The following TUFT1 variants were observed in gnomAD, a reference collection of about 807,000 sequenced individuals.
TUFT1 encodes tuftelin.
Under a neutral mutation model 57.8 loss-of-function variants are expected in TUFT1, and 43 were observed. That is an observed-to-expected ratio of 0.74 (90% CI 0.58 to 0.96). TUFT1 has a LOEUF of 0.96. Among genes scored for constraint, TUFT1 ranks in the 40% least tolerant of loss-of-function variants. The pLI, the probability that TUFT1 is intolerant of heterozygous loss-of-function variation, is 0.00. For missense variants in TUFT1, 459 were observed against 489.0 expected (o/e 0.94, Z 0.58); for synonymous variants, 166 against 176.7 (o/e 0.94, Z 0.48).
At chr1:151,577,568 G>C (rs376316858) in intron 9 of TUFT1, among the ~76,000 whole-genome samples, 7 of 152,256 alleles carry the variant, frequency 4.6e-5, no homozygotes, top group African/African-American at 1.7e-4. Context: ...TGCCCTTTGG[G>C]GGATCTTGGC....
intron 9 of TUFT1, 141 bp downstream of exon 9, chr1:151,575,146 GA>G (rs1666422517): frequency 2.6e-6 from 2 of 757,668 alleles, no homozygotes; most frequent in South Asian, 3.4e-5. Context: ...GACTCACCGT[GA>G]GCTTGCTCAG....
chr1:151,572,803 A>T (rs771210356), intron 7 of TUFT1, among the ~76,000 whole-genome samples: 8 of 152,204 alleles, frequency 5.3e-5, no homozygotes, highest in Non-Finnish European at 1.2e-4. Context: ...GACACGTCCC[A>T]TCACACATCA....
intron 1 of TUFT1, among the ~76,000 whole-genome samples, chr1:151,556,005 C>T (rs577337904): frequency 6.6e-6 from 1 of 152,012 alleles, no homozygotes; most frequent in Non-Finnish European, 1.5e-5. Flanking sequence ...TTTCCCTCCT[C>T]CCCCCCACTT....
At position 151,561,813 on chromosome 1, in the gene TUFT1, G is replaced by T. The variant is rs1385010820; in HGVS notation, c.61-278G>T. 7.0e-6 allele frequency: 10 copies of T among 1,432,708 alleles called. No homozygotes were observed. In the Admixed American group the frequency reaches 2.1e-4, roughly 30 times the overall value. The allele number at this position is 1,432,708 out of a possible 1,614,324, so 88.7% of individuals were successfully genotyped here. A position where few individuals can be genotyped will look rare whatever the true frequency, so the allele number is the denominator to read the frequency against. ...ATGCAATGTGTTCCCTGTAGTCCAA[G>T]AACCAGGGTAGCCCTGCTGGAGCTC... On this transcript the variant is annotated intron_variant, in intron 1 of 12. Coordinates refer to ENST00000368849, the MANE Select transcript of TUFT1 (RefSeq NM_020127.3).
intron 7 of TUFT1, 54 bp from the exon 8 acceptor site, chr1:151,574,216 C>G (rs1199452060): frequency 1.3e-5 from 20 of 1,566,202 alleles, no homozygotes; most frequent in Non-Finnish European, 1.7e-5. Context: ...AGGTTTTTTT[C>G]CATGTTTGCT....
intron 7 of TUFT1, among the ~76,000 whole-genome samples, chr1:151,572,994 G>T (rs559385528): frequency 6.6e-6 from 1 of 152,344 alleles, no homozygotes; most frequent in Admixed American, 6.5e-5. Context: ...GGATGGTGAA[G>T]TATCTGGGTG....
intron 7 of TUFT1, among the ~76,000 whole-genome samples, chr1:151,574,002 GAA>G (rs1354312724): frequency 6.6e-6 from 1 of 152,206 alleles, no homozygotes; most frequent in African/African-American, 2.4e-5. Context: ...TCACCTATCT[GAA>G]AAGTGGTGCT....
chr1:151,553,934 T>C (rs371887794), intron 1 of TUFT1, among the ~76,000 whole-genome samples: 1 of 152,264 alleles, frequency 6.6e-6, no homozygotes, highest in East Asian at 1.9e-4. Flanking sequence ...CCTTGTCATA[T>C]GTTTAATGAC....
chr1:151,563,201 TA>T lies in TUFT1; in HGVS notation c.237+521del, dbSNP rs1173046595. ...CACCTGGCTGATGGAACTTATTTTT[TA>T]AAAAATAAAATGATTTTTGTTATTT... On this transcript the variant is annotated intron_variant, in intron 3 of 12. Coordinates refer to ENST00000368849, the MANE Select transcript of TUFT1 (RefSeq NM_020127.3). Among the ~76,000 whole-genome samples, 7 of 152,158 alleles carry T rather than the reference TA, an allele frequency of 4.6e-5. No individual in the cohort carries two copies. The East Asian group carries it at 1.2e-3, about 25-fold the overall frequency.
chr1:151,581,536 C>A, intron 12 of TUFT1, 108 bp from the exon 13 acceptor site: 1 of 1,034,574 alleles, frequency 9.7e-7, no homozygotes, highest in Non-Finnish European at 1.5e-6. Flanking sequence ...GCCAGCACTG[C>A]AGTGTAAGAT....
Position 151,545,539 on chromosome 1 carries a change from G to T in TUFT1, c.60+5113G>T, listed in dbSNP as rs140497867. ...TATGAAGCACAGTGCCTGGCATGTG[G>T]TAAGTACTCAGAGGTTAGCTATTAT... On this transcript the variant is annotated intron_variant, in intron 1 of 12. Transcript: ENST00000368849. Among the ~76,000 whole-genome samples the T allele has an allele frequency of 2.1e-3, 315 of 152,340 alleles. 6 individuals are homozygous for T. Among genetic ancestry groups the T allele is most frequent in the African/African-American group, 7.3e-3 (303 of 41,576 alleles).
chr1:151,572,163 T>C (rs973567835), intron 7 of TUFT1, among the ~76,000 whole-genome samples: 2 of 152,220 alleles, frequency 1.3e-5, no homozygotes, highest in Admixed American at 1.3e-4. Context: ...ATTGTGCCAC[T>C]GCACTCTAGC....
rs74125812 is a variant in TUFT1 at position 151,575,128 on chromosome 1, C to T, written c.818+123C>T. On this transcript the variant is annotated intron_variant, in intron 9 of 12. Coordinates refer to ENST00000368849, the MANE Select transcript of TUFT1 (RefSeq NM_020127.3). ...GAAGCTGGTGCTGATGTCAGATCTT[C>T]CAGCTCTGACTCACCGTGAGCTTGC... 1.7e-3 allele frequency: 1,437 copies of T among 835,050 alleles called. 17 individuals carry two copies. In the African/African-American group the frequency reaches 0.022, roughly 13 times the overall value. The allele number at this position is 835,050 out of a possible 1,614,324, so 51.7% of individuals were successfully genotyped here. A position where few individuals can be genotyped will look rare whatever the true frequency, so the allele number is the denominator to read the frequency against.
intron 9 of TUFT1, among the ~76,000 whole-genome samples, chr1:151,578,236 C>G (rs1268063545): frequency 6.6e-6 from 1 of 152,168 alleles, no homozygotes; most frequent in African/African-American, 2.4e-5. Flanking sequence ...TCCAGAATGA[C>G]TTATCCCTTC....
At chr1:151,562,489 C>A in intron 2 of TUFT1, 96 bp from the exon 3 acceptor site, 1 of 1,077,786 alleles carries the variant, frequency 9.3e-7, no homozygotes, top group Non-Finnish European at 1.4e-6. Flanking sequence ...AGAAACAGGT[C>A]TTCTGCATTA....
intron 1 of TUFT1, among the ~76,000 whole-genome samples, chr1:151,549,282 C>T (rs987358760): frequency 6.6e-6 from 1 of 152,162 alleles, no homozygotes; most frequent in African/African-American, 2.4e-5. Flanking sequence ...GAAATGCAAG[C>T]CTGCTCTAGA....
At chr1:151,560,087 C>T (rs1665835447) in intron 1 of TUFT1, among the ~76,000 whole-genome samples, 1 of 150,982 alleles carries the variant, frequency 6.6e-6, no homozygotes. Flanking sequence ...TGAGCCAGCA[C>T]ACCGGCAATA....
At chr1:151,556,441 C>T (rs1352892364) in intron 1 of TUFT1, among the ~76,000 whole-genome samples, 2 of 147,220 alleles carry the variant, frequency 1.4e-5, no homozygotes, top group African/African-American at 4.9e-5. Flanking sequence ...CAGGGTCCTA[C>T]TCCGTAGCCC....
intron 9 of TUFT1, among the ~76,000 whole-genome samples, chr1:151,577,717 G>A (rs1666518882): frequency 6.6e-6 from 1 of 152,116 alleles, no homozygotes; most frequent in African/African-American, 2.4e-5. Context: ...GCTTGATGGT[G>A]TTGAGTATAA....
Sources: allele counts gnomAD v4.1 joint callset (sites outside exome capture counted in the v4.1 genomes callset), GRCh38; gene constraint gnomAD v4.1.1; transcripts MANE v1.5; gene names NCBI Gene and HGNC (gene_info 2026-07-23, HGNC 2026-07-21).